FAR1: variants seen among roughly 807,000 people sequenced by gnomAD.
The protein encoded by FAR1 is fatty acyl-CoA reductase 1, also known as male sterility domain-containing protein 2.
FAR1 carries 22 observed loss-of-function variants against 61.1 expected under a neutral mutation model. That is an observed-to-expected ratio of 0.36 (90% CI 0.26 to 0.51). The LOEUF (loss-of-function observed/expected upper bound fraction) is 0.51, where lower values mean the gene tolerates loss of function less well. FAR1 is among the 20% of genes least tolerant of loss of function. FAR1 has a pLI of 0.95. For missense variants in FAR1, 359 were observed against 626.9 expected (o/e 0.57, Z 4.56); for synonymous variants, 206 against 209.7 (o/e 0.98, Z 0.15).
chr11:13,695,927 AATT>A (rs1472088697), intron 2 of FAR1, among the ~76,000 whole-genome samples: 2 of 152,138 alleles, frequency 1.3e-5, no homozygotes, highest in East Asian at 3.9e-4. Flanking sequence ...GAAGTTTAAA[AATT>A]ATTATTATAC....
At chr11:13,696,299 G>C (rs962782704) in intron 2 of FAR1, among the ~76,000 whole-genome samples, 6 of 152,122 alleles carry the variant, frequency 3.9e-5, no homozygotes, top group Admixed American at 3.9e-4. Flanking sequence ...CACTTGACTT[G>C]TTGTAGGGGG....
chr11:13,677,316 CCA>C (rs1848078029), intron 1 of FAR1, among the ~76,000 whole-genome samples: 1 of 152,176 alleles, frequency 6.6e-6, no homozygotes. Context: ...TATTAAGAAT[CCA>C]CAGTTCTTAA....
rs930745075 is a variant in FAR1 at position 13,721,410 on chromosome 11, G to A, written c.1128-320G>A. The A allele has an allele frequency of 1.9e-4, 33 of 176,974 alleles. No individual in the cohort carries two copies. Among genetic ancestry groups the A allele is most frequent in the African/African-American group, 7.3e-4 (31 of 42,280 alleles). The allele number at this position is 176,974 out of a possible 1,614,324, so 11.0% of individuals were successfully genotyped here. A position where few individuals can be genotyped will look rare whatever the true frequency, so the allele number is the denominator to read the frequency against. ...TTAATTGAATCCATTCATTTGCTTA[G>A]TATTTTATGTAGAAAATTTAAGAGT... On this transcript the variant is annotated intron_variant, in intron 9 of 11. Coordinates refer to ENST00000354817, the MANE Select transcript of FAR1 (RefSeq NM_032228.6). This position sits in a 1 kb window ranked among gnomAD's most constrained non-coding sequence, Gnocchi z 4.2.
intron 1 of FAR1, among the ~76,000 whole-genome samples, chr11:13,671,907 A>C (rs1186640885): frequency 6.6e-6 from 1 of 152,214 alleles, no homozygotes. Context: ...AGTTTATGTA[A>C]GAAGAGCCAG....
intron 3 of FAR1, among the ~76,000 whole-genome samples, chr11:13,706,906 T>TAAGA (rs1298364990): frequency 6.6e-6 from 1 of 152,136 alleles, no homozygotes; most frequent in Non-Finnish European, 1.5e-5. Context: ...CATTTCCAGG[T>TAAGA]AAGAAAACTG....
At position 13,711,081 on chromosome 11, in the gene FAR1, TTAAAAAATC is replaced by T. The variant is rs1848493900; in HGVS notation, c.723+212_723+220del. 1.6e-5 allele frequency: 8 copies of T among 496,598 alleles called. No individual in the cohort carries two copies. In the South Asian group the frequency reaches 2.4e-4, roughly 15 times the overall value. The allele number at this position is 496,598 out of a possible 1,614,324, so 30.8% of individuals were successfully genotyped here. On this transcript the variant is annotated intron_variant, in intron 5 of 11. Transcript: ENST00000354817. ...GGTATATAGAAATGTAGATCAACATTTAAAAAATCCTAAGTGAAAATTAAAAGCTGTGAC... is the reference window on the plus strand; with the variant it reads ...GGTATATAGAAATGTAGATCAACATTCTAAGTGAAAATTAAAAGCTGTGAC...
chr11:13,672,388 C>CA (rs34030723), intron 1 of FAR1, among the ~76,000 whole-genome samples: 7,435 of 128,786 alleles, frequency 0.058, 211 homozygotes, highest in African/African-American at 0.08. Context: ...CTTTTCTATC[C>CA]AAAAAAAAAA....
intron 1 of FAR1, among the ~76,000 whole-genome samples, chr11:13,683,671 T>C (rs1419485188): frequency 6.6e-6 from 1 of 152,156 alleles, no homozygotes; most frequent in Non-Finnish European, 1.5e-5. Context: ...TGAACAACTG[T>C]GCTTAGCTTC....
chr11:13,690,339 C>G (rs568425298), intron 1 of FAR1, among the ~76,000 whole-genome samples: 11 of 151,952 alleles, frequency 7.2e-5, no homozygotes, highest in Non-Finnish European at 1.6e-4. Flanking sequence ...ATCTTTTACT[C>G]TGGTTTGCCT....
At chr11:13,719,021 T>C (rs1176062752) in intron 9 of FAR1, among the ~76,000 whole-genome samples, 1 of 152,134 alleles carries the variant, frequency 6.6e-6, no homozygotes, top group Admixed American at 6.5e-5. Flanking sequence ...GACAGAAAGC[T>C]CTACACCTTT....
intron 5 of FAR1, 115 bp from the exon 6 acceptor site, chr11:13,711,649 T>C: frequency 1.3e-6 from 1 of 783,612 alleles, no homozygotes; most frequent in South Asian, 1.6e-5. Context: ...GTCTGTTTTT[T>C]AGTTTTTAGA....
rs1262962568 is a variant in FAR1 at position 13,693,516 on chromosome 11, G to A, written c.-7-1243G>A. On this transcript the variant is annotated intron_variant, in intron 1 of 11. Transcript: ENST00000354817. ...AATCAGATCTAGATACTAAGCCTGG[G>A]AGCCAAAGTTTATGCAGAAAGTAAG... Among the ~76,000 whole-genome samples the A allele has an allele frequency of 5.9e-5, 9 of 152,284 alleles. No homozygotes were observed. The East Asian group carries it at 1.7e-3, about 29-fold the overall frequency.
intron 10 of FAR1, 21 bp from the exon 11 acceptor site, chr11:13,727,535 G>A: frequency 6.4e-7 from 1 of 1,564,074 alleles, no homozygotes; most frequent in Non-Finnish European, 8.6e-7. Flanking sequence ...AAAATAATCA[G>A]TAATTTTTTT....
chr11:13,693,180 A>G (rs1848271211), intron 1 of FAR1, among the ~76,000 whole-genome samples: 1 of 152,214 alleles, frequency 6.6e-6, no homozygotes, highest in African/African-American at 2.4e-5. Flanking sequence ...GACACTAACA[A>G]CAGCTAATGA....
chr11:13,689,237 A>T (rs1391252755), intron 1 of FAR1, among the ~76,000 whole-genome samples: 3 of 152,222 alleles, frequency 2.0e-5, no homozygotes, highest in Non-Finnish European at 2.9e-5. Flanking sequence ...ATGAATTTTT[A>T]AAAAATGAGC....
rs955570543 is a variant in FAR1, at chr11:13,685,920, G to A, written c.-7-8839G>A. Reference sequence around the variant, plus strand: ...GAGACTGCTGTTGTTTCCTCCTGTCGTGAGTCATACAACTTTAGAACTGGG... The same window carrying A: ...GAGACTGCTGTTGTTTCCTCCTGTCATGAGTCATACAACTTTAGAACTGGG... On this transcript the variant is annotated intron_variant, in intron 1 of 11. Coordinates refer to ENST00000354817, the MANE Select transcript of FAR1 (RefSeq NM_032228.6). Among the ~76,000 whole-genome samples the A allele has an allele frequency of 9.2e-5, 14 of 152,248 alleles. 1 individual carries two copies. In the South Asian group the frequency reaches 1.7e-3, roughly 18 times the overall value.
At chr11:13,670,880 C>T (rs1227630682) in intron 1 of FAR1, among the ~76,000 whole-genome samples, 1 of 152,044 alleles carries the variant, frequency 6.6e-6, no homozygotes, top group Non-Finnish European at 1.5e-5. Flanking sequence ...ACCATATTTC[C>T]AGTGTATTTA....
At chr11:13,678,454 CG>C (rs1848090923) in intron 1 of FAR1, among the ~76,000 whole-genome samples, 1 of 151,972 alleles carries the variant, frequency 6.6e-6, no homozygotes. Context: ...TTAGTAGAGA[CG>C]GGGTTTCACC....
rs765400630 is a variant in FAR1 at position 13,710,759 on chromosome 11, C to A, written c.612C>A (p.Tyr204Ter). 1 of 1,612,418 alleles carries A rather than the reference C, an allele frequency of 6.2e-7. No individual in the cohort carries two copies. Among genetic ancestry groups the A allele is most frequent in the Non-Finnish European group, 8.5e-7 (1 of 1,179,312 alleles). Residue 204 changes from tyrosine to a stop codon, truncating the protein, a stop_gained, in exon 5 of 12, where the codon TAC becomes TAA. Transcript: ENST00000354817. LOFTEE classifies it high-confidence loss of function. ...TGATAGGAGACAGACCTAATACATA[C>A]ATATACACAAAAGCATTGGCAGAAT... is the stretch of plus-strand genomic sequence containing the variant. ...PKLIGDRPNT[Y>*]IYTKALAEYV...
Sources: allele counts gnomAD v4.1 joint callset (sites outside exome capture counted in the v4.1 genomes callset), GRCh38; gene constraint gnomAD v4.1.1; non-coding constraint Gnocchi (gnomAD v3.1); transcripts MANE v1.5; gene names NCBI Gene and HGNC (gene_info 2026-07-23, HGNC 2026-07-21).